Variants in SLC4A4 observed in about 807,000 individuals in gnomAD.
SLC4A4 encodes the protein electrogenic sodium bicarbonate cotransporter 1.
In SLC4A4, 27 loss-of-function variants were observed where a neutral mutation model predicts 111.5. The ratio of observed to expected loss-of-function variants is 0.24; its 90% CI spans 0.18 to 0.33. The LOEUF is 0.33. Among genes scored for constraint, SLC4A4 ranks in the 10% least tolerant of loss-of-function variants. SLC4A4 has a pLI of 1.00. For missense variants in SLC4A4, 909 were observed against 1,315.5 expected (o/e 0.69, Z 4.78); for synonymous variants, 443 against 463.4 (o/e 0.96, Z 0.57).
chr4:71,311,653 C>CAA (rs1333081490), intron 3 of SLC4A4, among the ~76,000 whole-genome samples: 15 of 152,032 alleles, frequency 9.9e-5, no homozygotes, highest in Admixed American at 9.8e-4. Flanking sequence ...AAAGACAAAA[C>CAA]ATACTGGAAT....
At chr4:71,314,021 C>G (rs1225287775) in intron 3 of SLC4A4, among the ~76,000 whole-genome samples, 1 of 152,192 alleles carries the variant, frequency 6.6e-6, no homozygotes, top group South Asian at 2.1e-4. Context: ...ATCTATCCAT[C>G]TGACAAAGGT....
chr4:71,226,263 G>A (rs1719043358), intron 1 of SLC4A4, among the ~76,000 whole-genome samples: 1 of 152,156 alleles, frequency 6.6e-6, no homozygotes, highest in Admixed American at 6.5e-5. Context: ...TCCCACCTCA[G>A]CCTTCCTAGT....
At chr4:71,564,066 T>C (rs1042919439) in intron 24 of SLC4A4, among the ~76,000 whole-genome samples, 177 bp downstream of exon 24, 4 of 151,934 alleles carry the variant, frequency 2.6e-5, no homozygotes, top group African/African-American at 9.7e-5. Context: ...AGCTTCATTC[T>C]TCCTTTTATC....
intron 1 of SLC4A4, among the ~76,000 whole-genome samples, chr4:71,222,136 G>A (rs1298757463): frequency 1.3e-5 from 2 of 152,140 alleles, no homozygotes; most frequent in African/African-American, 4.8e-5. Flanking sequence ...CCTTCATACA[G>A]TAGCCTTCCA....
intron 6 of SLC4A4, among the ~76,000 whole-genome samples, chr4:71,358,121 T>G (rs1730449147): frequency 6.6e-6 from 1 of 152,114 alleles, no homozygotes; most frequent in African/African-American, 2.4e-5. Context: ...GAGACCATCC[T>G]GGCTAACATG....
intron 1 of SLC4A4, among the ~76,000 whole-genome samples, chr4:71,226,731 T>C (rs1204055896): frequency 6.6e-6 from 1 of 152,138 alleles, no homozygotes; most frequent in Non-Finnish European, 1.5e-5. Context: ...TTGTTTGAAA[T>C]ACACATTCAG....
chr4:71,115,080 G>T (rs1284973090), intron 2 of SLC4A4, among the ~76,000 whole-genome samples: 1 of 147,174 alleles, frequency 6.8e-6, no homozygotes, highest in Non-Finnish European at 1.5e-5. Context: ...GTAAACTATC[G>T]CAAGAACAAA....
At chr4:71,496,049 G>A (rs1356676375) in intron 15 of SLC4A4, among the ~76,000 whole-genome samples, 3 of 152,084 alleles carry the variant, frequency 2.0e-5, no homozygotes, top group Non-Finnish European at 2.9e-5. Context: ...GTATAAGGGC[G>A]ATCTGTGCAG....
intron 6 of SLC4A4, among the ~76,000 whole-genome samples, chr4:71,384,113 C>A (rs1020017216): frequency 6.6e-6 from 1 of 152,146 alleles, no homozygotes; most frequent in Non-Finnish European, 1.5e-5. Flanking sequence ...TGTCATAGCT[C>A]TGAACAGAAT....
intron 13 of SLC4A4, among the ~76,000 whole-genome samples, chr4:71,470,302 A>G (rs780522533): frequency 7.9e-5 from 12 of 152,082 alleles, no homozygotes; most frequent in Non-Finnish European, 1.6e-4. Flanking sequence ...GAAGGATCCC[A>G]TAAAGTCTAT....
At chr4:71,373,150 C>A (rs1732038505) in intron 6 of SLC4A4, among the ~76,000 whole-genome samples, 1 of 152,110 alleles carries the variant, frequency 6.6e-6, no homozygotes, top group Non-Finnish European at 1.5e-5. Flanking sequence ...AAGTTCAATT[C>A]AACAGCTGTT....
intron 1 of SLC4A4, among the ~76,000 whole-genome samples, chr4:71,079,348 G>A (rs966195758): frequency 1.3e-5 from 2 of 152,154 alleles, no homozygotes; most frequent in Non-Finnish European, 2.9e-5. Flanking sequence ...GGCATCTGTA[G>A]CTGTAGAAGG....
At chr4:71,328,080 T>C (rs1369723116) in intron 3 of SLC4A4, among the ~76,000 whole-genome samples, 3 of 152,040 alleles carry the variant, frequency 2.0e-5, no homozygotes, top group Admixed American at 2.0e-4. Flanking sequence ...AGTGAGGACG[T>C]GCAAAATTTG....
At chr4:71,327,775 A>C (rs115452780) in intron 3 of SLC4A4, among the ~76,000 whole-genome samples, 2,044 of 152,082 alleles carry the variant, frequency 0.013, 52 homozygotes, top group African/African-American at 0.046. Context: ...CATAATAATC[A>C]CATCAGGGCA....
At chr4:71,121,600 T>C (rs1743430779) in intron 2 of SLC4A4, among the ~76,000 whole-genome samples, 1 of 152,158 alleles carries the variant, frequency 6.6e-6, no homozygotes, top group Non-Finnish European at 1.5e-5. Flanking sequence ...GCTAGAGGAT[T>C]GTAAATGCAC....
intron 1 of SLC4A4, among the ~76,000 whole-genome samples, chr4:71,092,444 A>G (rs983338728): frequency 1.3e-5 from 2 of 152,234 alleles, no homozygotes; most frequent in Admixed American, 6.5e-5. Context: ...AGATAAATTT[A>G]TAGAAGTTCA....
At chr4:71,227,823 T>C (rs769295247) in intron 1 of SLC4A4, among the ~76,000 whole-genome samples, 1 of 152,196 alleles carries the variant, frequency 6.6e-6, no homozygotes, top group Non-Finnish European at 1.5e-5. Context: ...AGAAGGGTGA[T>C]TGAAAGCTAA....
intron 1 of SLC4A4, among the ~76,000 whole-genome samples, chr4:71,233,708 T>C (rs1313288324): frequency 1.3e-5 from 2 of 152,168 alleles, no homozygotes; most frequent in Admixed American, 1.3e-4. Flanking sequence ...CATCTTATTC[T>C]TAAAGTGGCT....
rs186977613 is a variant in SLC4A4, at chr4:71,273,504, A to G, written c.253+18105A>G. 9.2e-5 allele frequency among the ~76,000 whole-genome samples: 14 copies of G among 152,296 alleles called. No individual in the cohort carries two copies. The East Asian group carries it at 2.7e-3, about 29-fold the overall frequency. ...TGTAGTTTGGTTCATAGTTGGTTTC[A>G]GTCCCCAGGGCCAAAAGCTAGTTAA... On this transcript the variant is annotated intron_variant, in intron 3 of 25. Transcript: ENST00000264485.
Sources: gnomAD v4.1 joint callset for allele counts (sites outside exome capture counted in the v4.1 genomes callset) on GRCh38, gnomAD v4.1.1 for gene constraint, MANE v1.5 for transcripts, NCBI Gene and HGNC (gene_info 2026-07-23, HGNC 2026-07-21) for gene names.